ASPH: variants seen among roughly 807,000 people sequenced by gnomAD.
ASPH encodes aspartyl/asparaginyl beta-hydroxylase.
ASPH carries 100 observed loss-of-function variants against 118.4 expected under a neutral mutation model. That is an observed-to-expected ratio of 0.84 (90% CI 0.72 to 1.00). The LOEUF is 1.00. ASPH is among the 50% of genes least tolerant of loss of function. ASPH has a pLI of 0.00. For missense variants in ASPH, 920 were observed against 919.5 expected (o/e 1.00, Z -0.01); for synonymous variants, 315 against 325.6 (o/e 0.97, Z 0.35).
At chr8:61,552,417 G>A (rs2131086732) in intron 20 of ASPH, among the ~76,000 whole-genome samples, 1 of 152,320 alleles carries the variant, frequency 6.6e-6, no homozygotes, top group South Asian at 2.1e-4. Context: ...AACTTTTTTA[G>A]CTACTACATT....
At chr8:61,511,037 C>T (rs1808638264) in intron 24 of ASPH, among the ~76,000 whole-genome samples, 1 of 152,102 alleles carries the variant, frequency 6.6e-6, no homozygotes, top group South Asian at 2.1e-4. Context: ...AAAATTATCT[C>T]CTTGGACACT....
In ASPH at chr8:61,526,018, C is replaced by G; in HGVS notation, c.1859G>C (p.Arg620Thr). 7 of 1,614,014 alleles carry G rather than the reference C, an allele frequency of 4.3e-6. No individual in the cohort carries two copies. Among genetic ancestry groups the G allele is most frequent in the Non-Finnish European group, 5.9e-6 (7 of 1,179,922 alleles). ...GLFLPEDENL[R>T]EKGDWSQFTL... ...GAACTGGCTCCAGTCCCCTTTTTCC[C>G]TCAGGTTTTCATCCTCAGGCAGGAA... Residue 620 changes from arginine (R) to threonine (T), a missense_variant, in exon 22 of 25, where the codon AGG (arginine) becomes ACG (threonine). Coordinates refer to ENST00000379454, the MANE Select transcript of ASPH (RefSeq NM_004318.4).
chr8:61,559,587 AG>A (rs1829073912), intron 18 of ASPH, among the ~76,000 whole-genome samples: 1 of 152,238 alleles, frequency 6.6e-6, no homozygotes, highest in African/African-American at 2.4e-5. Context: ...GATTTTAAAA[AG>A]TTATATAATC....
intron 1 of ASPH, among the ~76,000 whole-genome samples, chr8:61,711,197 T>C (rs974257669): frequency 1.3e-5 from 2 of 151,714 alleles, no homozygotes; most frequent in Non-Finnish European, 2.9e-5. Context: ...CCAGACAAAA[T>C]AAACAGGGAG....
At chr8:61,619,741 T>G (rs1850264663) in intron 13 of ASPH, among the ~76,000 whole-genome samples, 1 of 152,224 alleles carries the variant, frequency 6.6e-6, no homozygotes, top group Non-Finnish European at 1.5e-5. Flanking sequence ...TTTCTGCACC[T>G]GTAACTCCAC....
At chr8:61,594,900 T>G (rs10097114) in intron 14 of ASPH, among the ~76,000 whole-genome samples, 4,560 of 152,328 alleles carry the variant, frequency 0.03, 224 homozygotes, top group African/African-American at 0.1. Flanking sequence ...GTATTTTTAA[T>G]CCTATGTCTG....
intron 15 of ASPH, among the ~76,000 whole-genome samples, chr8:61,581,751 CCA>C (rs1837617837): frequency 6.6e-6 from 1 of 152,158 alleles, no homozygotes; most frequent in Non-Finnish European, 1.5e-5. Context: ...TACTCCCTCC[CCA>C]CCTTTTCAAA....
chr8:61,665,227 T>A, intron 3 of ASPH: 4 of 1,554,784 alleles, frequency 2.6e-6, no homozygotes, highest in Non-Finnish European at 3.5e-6. Context: ...CATGACCATG[T>A]TCTGGGATGA....
chr8:61,513,685 T>C (rs1200984654), intron 24 of ASPH, among the ~76,000 whole-genome samples: 1 of 152,160 alleles, frequency 6.6e-6, no homozygotes, highest in Non-Finnish European at 1.5e-5. Context: ...TGCAAATTAT[T>C]ATTATCAGCA....
intron 21 of ASPH, among the ~76,000 whole-genome samples, chr8:61,533,673 G>C (rs908618282): frequency 6.6e-6 from 1 of 152,076 alleles, no homozygotes. Flanking sequence ...TATTCTCTGA[G>C]GCCATGCAGT....
At chr8:61,595,343 T>C (rs1200074068) in intron 14 of ASPH, among the ~76,000 whole-genome samples, 7 of 152,238 alleles carry the variant, frequency 4.6e-5, no homozygotes, top group Non-Finnish European at 1.0e-4. Context: ...ATTTCTGATG[T>C]ATTACCCAAT....
chr8:61,607,606 TA>T (rs915655202), intron 14 of ASPH, among the ~76,000 whole-genome samples: 1 of 147,748 alleles, frequency 6.8e-6, no homozygotes, highest in African/African-American at 2.4e-5. Context: ...CTTATTACTT[TA>T]ATAATAAGAG....
intron 16 of ASPH, among the ~76,000 whole-genome samples, chr8:61,570,389 G>A (rs1320262923): frequency 6.6e-6 from 1 of 152,134 alleles, no homozygotes; most frequent in African/African-American, 2.4e-5. Context: ...CCTACAGAGT[G>A]CCCAAAAAGA....
At chr8:61,701,696 CATT>C (rs1313004568) in intron 1 of ASPH, among the ~76,000 whole-genome samples, 5 of 152,084 alleles carry the variant, frequency 3.3e-5, no homozygotes, top group Admixed American at 1.3e-4. Context: ...AGAAAATAAG[CATT>C]ATATTTTAGT....
chr8:61,500,963 T>A lies in ASPH; in HGVS notation c.*2396A>T, dbSNP rs551704952. ...ATTACATCATCTCTTTCTCAATGGA[T>A]CTAATGTTTTAATTTTTTCCCCTAT... On this transcript the variant is annotated 3_prime_UTR_variant, in exon 25 of 25. Coordinates refer to ENST00000379454, the MANE Select transcript of ASPH (RefSeq NM_004318.4). 1.3e-5 allele frequency: 2 copies of A among 152,192 alleles called. No homozygotes were observed. The highest frequency in any genetic ancestry group is 2.4e-5 in the African/African-American group (1 of 41,440). 9.4% of individuals were successfully genotyped at this position (152,192 alleles called of 1,614,324 possible). A position where few individuals can be genotyped will look rare whatever the true frequency, so the allele number is the denominator to read the frequency against.
At chr8:61,663,176 T>C in intron 3 of ASPH, 3 of 985,376 alleles carry the variant, frequency 3.0e-6, no homozygotes, top group Non-Finnish European at 3.6e-6. Context: ...ATGTTCTGCT[T>C]CTTCTTCTGT....
At chr8:61,632,911 C>G (rs1234344851) in intron 13 of ASPH, among the ~76,000 whole-genome samples, 1 of 151,952 alleles carries the variant, frequency 6.6e-6, no homozygotes, top group Non-Finnish European at 1.5e-5. Context: ...AAAGGTTGAA[C>G]AAATAAATAT....
chr8:61,672,521 T>A (rs539449391), intron 3 of ASPH, among the ~76,000 whole-genome samples: 19 of 151,436 alleles, frequency 1.3e-4, no homozygotes, highest in East Asian at 9.7e-4. Context: ...ACCAGTTTTT[T>A]TTAAAAAAAA....
intron 18 of ASPH, among the ~76,000 whole-genome samples, chr8:61,559,350 G>T (rs1303289604): frequency 6.6e-6 from 1 of 152,308 alleles, no homozygotes; most frequent in East Asian, 1.9e-4. Context: ...TTTTTGGGGA[G>T]TCAAAATGTG....
Sources: gnomAD v4.1 joint callset for allele counts (sites outside exome capture counted in the v4.1 genomes callset) on GRCh38, gnomAD v4.1.1 for gene constraint, MANE v1.5 for transcripts, NCBI Gene and HGNC (gene_info 2026-07-23, HGNC 2026-07-21) for gene names.